The following POLE variants were observed in gnomAD, a reference collection of about 807,000 sequenced individuals.
POLE encodes the protein DNA polymerase epsilon, catalytic subunit, also known as DNA polymerase epsilon catalytic subunit A.
POLE carries 188 observed loss-of-function variants against 279.2 expected under a neutral mutation model. The observed-to-expected ratio is 0.67, with a 90% CI of 0.60 to 0.76. The LOEUF is 0.76. POLE is among the 30% of genes least tolerant of loss of function. POLE has a pLI of 0.00. For synonymous variants in POLE, 1,214 were observed against 1,172.5 expected (o/e 1.04, Z -0.72); for missense variants, 2,703 against 3,016.7 (o/e 0.90, Z 2.44).
chr12:132,669,276 G>T (rs2042869884), intron 16 of POLE, among the ~76,000 whole-genome samples: 1 of 152,008 alleles, frequency 6.6e-6, no homozygotes, highest in Non-Finnish European at 1.5e-5. Flanking sequence ...ACCAGCCTGA[G>T]CAACACAGTG....
intron 26 of POLE, 164 bp from the exon 27 acceptor site, chr12:132,658,134 T>G: frequency 1.1e-5 from 6 of 564,786 alleles, no homozygotes; most frequent in East Asian, 3.0e-5. Flanking sequence ...TGCCTACAGG[T>G]TCCTCGGGGA....
intron 5 of POLE, 105 bp from the exon 6 acceptor site, chr12:132,679,756 T>C: frequency 7.4e-7 from 1 of 1,344,220 alleles, no homozygotes; most frequent in Non-Finnish European, 1.0e-6. Context: ...AGTTGGCGAC[T>C]TCAAGGCACC....
intron 32 of POLE, chr12:132,648,583 T>A: frequency 4.7e-6 from 1 of 211,488 alleles, no homozygotes; most frequent in Non-Finnish European, 9.3e-6. Flanking sequence ...GCACTTTAAA[T>A]GGGTGAGTTG....
chr12:132,650,185 G>T, intron 29 of POLE: 1 of 382,544 alleles, frequency 2.6e-6, no homozygotes, highest in South Asian at 3.7e-5. Flanking sequence ...CTCCAGCCTG[G>T]GCAAGTGAGA....
At chr12:132,677,816 C>A in intron 6 of POLE, 97 bp from the exon 7 acceptor site, 1 of 1,162,688 alleles carries the variant, frequency 8.6e-7, no homozygotes, top group South Asian at 1.4e-5. Flanking sequence ...GACCAGAGTT[C>A]AAACCGAGGA....
In POLE at chr12:132,634,484, T is replaced by A; in HGVS notation, c.5812-106A>T. 9.2e-7 allele frequency: 1 copy of A among 1,089,780 alleles called. No homozygotes were observed. The highest frequency in any genetic ancestry group is 1.3e-6 in the Non-Finnish European group (1 of 742,970). 67.5% of individuals were successfully genotyped at this position (1,089,780 alleles called of 1,614,324 possible). A position where few individuals can be genotyped will look rare whatever the true frequency, so the allele number is the denominator to read the frequency against. ...CCAACCTGGGTCCATCTGCCCCGTTTGACCAGAGGCCTTCCTCGCAGTCAA... is the reference window on the plus strand; with the variant it reads ...CCAACCTGGGTCCATCTGCCCCGTTAGACCAGAGGCCTTCCTCGCAGTCAA... On this transcript the variant is annotated intron_variant, in intron 42 of 48. Transcript: ENST00000320574. This position sits in a 1 kb window ranked among gnomAD's most constrained non-coding sequence, Gnocchi z 4.0.
rs1405876788 is a variant in POLE at position 132,661,808 on chromosome 12, C to A, written c.2707-124G>T. On this transcript the variant is annotated intron_variant, in intron 23 of 48. Transcript: ENST00000320574. The surrounding 1 kb of genome is among the most constrained non-coding windows in gnomAD (Gnocchi z 4.1). ...AGGCTTTTCCACATAACTAACACGA[C>A]TTGGCAGCAGGAAGGAAGGAAGTTC... 8.6e-6 allele frequency: 8 copies of A among 925,146 alleles called. No homozygotes were observed. Among genetic ancestry groups the A allele is most frequent in the Non-Finnish European group, 1.1e-5 (7 of 611,196 alleles). 57.3% of individuals were successfully genotyped at this position (925,146 alleles called of 1,614,324 possible). A position where few individuals can be genotyped will look rare whatever the true frequency, so the allele number is the denominator to read the frequency against.
At chr12:132,655,138 T>C (rs563766052) in intron 29 of POLE, among the ~76,000 whole-genome samples, 1 of 152,350 alleles carries the variant, frequency 6.6e-6, no homozygotes, top group South Asian at 2.1e-4. Context: ...ACTTTTTCAG[T>C]TGGAAACTTA....
chr12:132,678,733 G>A (rs1165269614), intron 6 of POLE, among the ~76,000 whole-genome samples: 1 of 152,200 alleles, frequency 6.6e-6, no homozygotes, highest in Non-Finnish European at 1.5e-5. Flanking sequence ...CTGTGCATGG[G>A]TCTCTGCCAT....
chr12:132,665,413 C>A lies in POLE; in HGVS notation c.2357G>T (p.Gly786Val). ...KKKLSAAVEV[G>V]DAAEVKRCKN... ...GCAGCGCTTCACCTCAGCCGCGTCG[C>A]CCACCTCCACGGCCGCCGAGAGCTT... The change falls in exon 21 of 49, where the codon GGC becomes GTC. Residue 786 changes from glycine (G) to valine (V), a missense_variant. Gly to Val is a moderately radical substitution (Grantham distance 109). This residue lies in a region of POLE where 1,011 missense variants were observed against 1,111.7 expected (regional missense o/e 0.91). Transcript: ENST00000320574. 6.2e-7 allele frequency: 1 copy of A among 1,613,046 alleles called. No homozygotes were observed. Among genetic ancestry groups the A allele is most frequent in the Non-Finnish European group, 8.5e-7 (1 of 1,179,980 alleles).
Position 132,673,659 on chromosome 12 carries a change from C to G in POLE, c.1275G>C (p.Lys425Asn), listed in dbSNP as rs746872900. The G allele has an allele frequency of 6.2e-7, 1 of 1,614,064 alleles. No homozygotes were observed. Among genetic ancestry groups the G allele is most frequent in the Admixed American group, 1.7e-5 (1 of 60,024 alleles). The part of the protein sequence containing the change: ...SYLPVGSHNL[K>N]AAAKAKLGYD... ...AGCCTAGCTTGGCCTTGGCGGCCGC[C>G]TTGAGATTATGACTGCCCACAGGAA... Residue 425 changes from lysine to asparagine, a missense_variant, in exon 13 of 49, where the codon AAG becomes AAC. Physicochemically the swap from Lys to Asn is moderately conservative, Grantham distance 94 (BLOSUM62 0). Around this residue, in one of 5 missense-constraint regions of POLE, gnomAD observed 1,011 missense variants for 1,111.7 expected, o/e 0.91. Coordinates refer to ENST00000320574, the MANE Select transcript of POLE (RefSeq NM_006231.4).
chr12:132,639,401 G>A lies in POLE; in HGVS notation c.5379-103C>T. ...GGGCACAGGTTTTCCCTACACGGCT[G>A]GGTCCAAATCCGTCACTGTCGCCTC... On this transcript the variant is annotated intron_variant, in intron 39 of 48. Coordinates refer to ENST00000320574, the MANE Select transcript of POLE (RefSeq NM_006231.4). The surrounding 1 kb of genome is among the most constrained non-coding windows in gnomAD (Gnocchi z 4.7). 9.0e-7 allele frequency: 1 copy of A among 1,116,254 alleles called. No individual in the cohort carries two copies. Among genetic ancestry groups the A allele is most frequent in the Non-Finnish European group, 1.3e-6 (1 of 773,254 alleles). The allele number at this position is 1,116,254 out of a possible 1,614,324, so 69.1% of individuals were successfully genotyped here. A position where few individuals can be genotyped will look rare whatever the true frequency, so the allele number is the denominator to read the frequency against.
chr12:132,681,894 G>A lies in POLE; in HGVS notation c.63-615C>T, dbSNP rs1396516497. Among the ~76,000 whole-genome samples, 5 of 152,148 alleles carry A rather than the reference G, an allele frequency of 3.3e-5. No individual in the cohort carries two copies. The East Asian group carries it at 5.8e-4, about 18-fold the overall frequency. ...CTGACATGATTTGAATAAAACAGAC[G>A]GATTGTCAGGCCAGGCACAGTGGCT... On this transcript the variant is annotated intron_variant, in intron 1 of 48. Transcript: ENST00000320574.
intron 29 of POLE, among the ~76,000 whole-genome samples, chr12:132,656,460 G>A (rs1476761138): frequency 2.0e-5 from 3 of 151,588 alleles, no homozygotes; most frequent in East Asian, 2.0e-4. Context: ...CCGGGTTCAC[G>A]CTGTTCTCCT....
rs770730049 is a variant in POLE, at chr12:132,636,061, A to C, written c.5679-37T>G. 32 of 1,595,658 alleles carry C rather than the reference A, an allele frequency of 2.0e-5. No individual in the cohort carries two copies. In the Admixed American group the frequency reaches 4.9e-4, roughly 24 times the overall value. ...GCATTGAAGACGCTGCTTCAGTGAA[A>C]TCGACCTTGTTCTCAACTTTCCTTT... On this transcript the variant is annotated intron_variant, in intron 41 of 48. Transcript: ENST00000320574.
At chr12:132,671,678 G>GAAAAAAAAAAAAAAAAAA in intron 16 of POLE, among the ~76,000 whole-genome samples, 1 of 72,544 alleles carries the variant, frequency 1.4e-5, no homozygotes, top group Non-Finnish European at 2.4e-5. Context: ...CTCAAAAAGG[G>GAAAAAAAAAAAAAAAAAA]AAAAAAAAAA....
At position 132,687,249 on chromosome 12, in the gene POLE, C is replaced by T. The variant is rs1037695225; in HGVS notation, c.62+5G>A. Reference sequence around the variant, plus strand: ...GCCCGAGAGCCTCAGGAGGGCGCCCCTCACCTGCTGGCCTCGCCATCCGCG... The same window carrying T: ...GCCCGAGAGCCTCAGGAGGGCGCCCTTCACCTGCTGGCCTCGCCATCCGCG... On this transcript the variant is annotated splice_donor_5th_base_variant and intron_variant, in intron 1 of 48. Coordinates refer to ENST00000320574, the MANE Select transcript of POLE (RefSeq NM_006231.4). 4.0e-6 allele frequency: 6 copies of T among 1,493,284 alleles called. No homozygotes were observed. In the African/African-American group the frequency reaches 7.2e-5, roughly 18 times the overall value. 92.5% of individuals were successfully genotyped at this position (1,493,284 alleles called of 1,614,324 possible).
Position 132,639,113 on chromosome 12 carries a change from A to G in POLE, c.5552+12T>C, listed in dbSNP as rs762977072. The G allele has an allele frequency of 6.2e-7, 1 of 1,613,068 alleles. No homozygotes were observed. Among genetic ancestry groups the G allele is most frequent in the East Asian group, 2.2e-5 (1 of 44,864 alleles). ...GGACGCGGTGGACAGCCCAGGGAGG[A>G]GGAGCACTCACTGCAGGAAGAGCTT... On this transcript the variant is annotated intron_variant, in intron 40 of 48. Coordinates refer to ENST00000320574, the MANE Select transcript of POLE (RefSeq NM_006231.4). The surrounding 1 kb of genome is among the most constrained non-coding windows in gnomAD (Gnocchi z 4.7).
intron 23 of POLE, among the ~76,000 whole-genome samples, chr12:132,662,052 A>G (rs561262692): frequency 1.3e-5 from 2 of 152,346 alleles, no homozygotes; most frequent in Admixed American, 6.5e-5. Flanking sequence ...GTGGTGCTGG[A>G]CACACACACT....
Sources: allele counts gnomAD v4.1 joint callset (sites outside exome capture counted in the v4.1 genomes callset), GRCh38; gene constraint gnomAD v4.1.1; regional missense constraint gnomAD v4.1.1; non-coding constraint Gnocchi (gnomAD v3.1); transcripts MANE v1.5; gene names NCBI Gene and HGNC (gene_info 2026-07-23, HGNC 2026-07-21).